SCYL2: variants seen among roughly 807,000 people sequenced by gnomAD.
SCYL2 encodes the protein SCY1-like protein 2.
A neutral mutation model predicts 100.4 loss-of-function variants in SCYL2; 36 were observed. That is an observed-to-expected ratio of 0.36 (90% confidence interval 0.27 to 0.47). The LOEUF (loss-of-function observed/expected upper bound fraction) is 0.47, where lower values mean the gene tolerates loss of function less well. Ranked by LOEUF, SCYL2 falls within the 20% of genes least tolerant of loss-of-function variation. The pLI is 1.00. For synonymous variants in SCYL2, 330 were observed against 359.2 expected, an observed-to-expected ratio of 0.92 and a Z score of 0.92; for missense variants, 902 against 1,083.9, an observed-to-expected ratio of 0.83 and a Z score of 2.36.
intron 3 of SCYL2, among the ~76,000 whole-genome samples, chr12:100,294,352 T>C (rs2096314785): frequency 9.3e-6 from 1 of 107,694 alleles, no homozygotes; most frequent in Non-Finnish European, 2.0e-5. Flanking sequence ...GCCCCTCACC[T>C]CCCAGACGGG....
intron 10 of SCYL2, among the ~76,000 whole-genome samples, chr12:100,321,829 A>G (rs1030222828): frequency 8.5e-5 from 13 of 152,092 alleles, no homozygotes; most frequent in South Asian, 2.1e-4. Flanking sequence ...GATCTCTTGA[A>G]GCCAGGAGTT....
intron 1 of SCYL2, among the ~76,000 whole-genome samples, chr12:100,282,217 T>A (rs376661472): frequency 0.073 from 8,958 of 122,718 alleles, 827 homozygotes; most frequent in Middle Eastern, 0.11. Flanking sequence ...TAGAGATGGT[T>A]TTTCGCCACA....
intron 1 of SCYL2, among the ~76,000 whole-genome samples, chr12:100,272,151 T>G (rs1169751198): frequency 2.0e-5 from 3 of 152,122 alleles, no homozygotes; most frequent in Non-Finnish European, 4.4e-5. Flanking sequence ...TGGCTGAAAT[T>G]TAGGAAGGGC....
chr12:100,326,202 T>A (rs2096361617), intron 11 of SCYL2, among the ~76,000 whole-genome samples: 1 of 152,140 alleles, frequency 6.6e-6, no homozygotes, highest in Non-Finnish European at 1.5e-5. Flanking sequence ...AGTTTAAAAA[T>A]GAATTGAACC....
chr12:100,294,944 G>GC (rs1475194566), intron 3 of SCYL2, among the ~76,000 whole-genome samples: 1 of 151,594 alleles, frequency 6.6e-6, no homozygotes, highest in Non-Finnish European at 1.5e-5. Flanking sequence ...TCTCAGACGG[G>GC]GCGGTTGCCA....
intron 1 of SCYL2, among the ~76,000 whole-genome samples, chr12:100,274,892 C>T (rs575849299): frequency 6.6e-6 from 1 of 152,300 alleles, no homozygotes; most frequent in Admixed American, 6.5e-5. Context: ...GATCCCTTCT[C>T]ACAGTAATAT....
rs78880229 is a variant in SCYL2 at position 100,270,349 on chromosome 12, C to T, written c.-29+2557C>T. 7.7e-3 allele frequency among the ~76,000 whole-genome samples: 1,175 copies of T among 152,248 alleles called. 15 individuals are homozygous for T. Among genetic ancestry groups the T allele is most frequent in the African/African-American group, 0.026 (1,078 of 41,526 alleles). On this transcript the variant is annotated intron_variant, in intron 1 of 17. Transcript: ENST00000360820. Reference sequence around the variant, plus strand: ...GACTTTAAGGAAGTGATCATTTAATCTAATTTCCTACTCAGTTATTCCTTG... The same window carrying T: ...GACTTTAAGGAAGTGATCATTTAATTTAATTTCCTACTCAGTTATTCCTTG...
chr12:100,327,091 C>A, intron 12 of SCYL2: 2 of 298,146 alleles, frequency 6.7e-6, no homozygotes, highest in Non-Finnish European at 1.3e-5. Context: ...ATTTGATACT[C>A]AATTTGTAAG....
At position 100,298,687 on chromosome 12, in the gene SCYL2, G is replaced by A. The variant is rs1269766765; in HGVS notation, c.480+512G>A. ...CAACTTCCACCTCCCAGGTTCAAGC[G>A]ATTCTCCTGCCTCAGCCTCCCCAGT... is the stretch of plus-strand genomic sequence containing the variant. On this transcript the variant is annotated intron_variant, in intron 4 of 17. Coordinates refer to ENST00000360820, the MANE Select transcript of SCYL2 (RefSeq NM_017988.6). Among the ~76,000 whole-genome samples, 4 of 150,712 alleles carry A rather than the reference G, an allele frequency of 2.7e-5. No individual in the cohort carries two copies. The East Asian group carries it at 5.8e-4, about 22-fold the overall frequency.
chr12:100,317,781 A>G (rs1165787061), intron 9 of SCYL2, 22 bp from the exon 10 acceptor site: 7 of 1,579,500 alleles, frequency 4.4e-6, no homozygotes, highest in South Asian at 1.2e-5. Context: ...GTTTTAATAC[A>G]TTGTTTCCGT....
chr12:100,330,008 G>A (rs999259096), intron 13 of SCYL2, among the ~76,000 whole-genome samples: 9 of 152,156 alleles, frequency 5.9e-5, no homozygotes, highest in African/African-American at 2.2e-4. Context: ...TGTAATCAAG[G>A]AAGTGATACC....
At chr12:100,329,376 AGATAT>A (rs1952180203) in intron 13 of SCYL2, 57 bp downstream of exon 13, 1 of 798,172 alleles carries the variant, frequency 1.3e-6, no homozygotes, top group African/African-American at 1.7e-5. Context: ...TCTTGGCATT[AGATAT>A]ATAAATATAT....
intron 1 of SCYL2, among the ~76,000 whole-genome samples, chr12:100,281,784 A>G (rs1361507877): frequency 6.6e-6 from 1 of 151,118 alleles, no homozygotes; most frequent in East Asian, 2.0e-4. Context: ...CAGTGAGCCA[A>G]GTTCATGCCA....
chr12:100,276,365 C>G (rs978957467), intron 1 of SCYL2, among the ~76,000 whole-genome samples: 1 of 152,118 alleles, frequency 6.6e-6, no homozygotes, highest in Non-Finnish European at 1.5e-5. Context: ...GGATCCCACT[C>G]TTTGTCACGC....
Position 100,340,452 on chromosome 12 carries a change from A to G in SCYL2, c.*1280A>G, listed in dbSNP as rs949583529. ...ATTCCACTCATAAAACTTTAAAACC[A>G]TCTTTCAACGAACTATATATGTATT... On this transcript the variant is annotated 3_prime_UTR_variant, in exon 18 of 18. Coordinates refer to ENST00000360820, the MANE Select transcript of SCYL2 (RefSeq NM_017988.6). 2 of 152,080 alleles carry G rather than the reference A, an allele frequency of 1.3e-5. No homozygotes were observed. The highest frequency in any genetic ancestry group is 2.9e-5 in the Non-Finnish European group (2 of 67,942). The allele number at this position is 152,080 out of a possible 1,614,324, so 9.4% of individuals were successfully genotyped here. A position where few individuals can be genotyped will look rare whatever the true frequency, so the allele number is the denominator to read the frequency against.
Position 100,323,607 on chromosome 12 carries a change from A to C in SCYL2, c.1478A>C (p.Lys493Thr), listed in dbSNP as rs754269938. The change falls in exon 11 of 18, where the codon AAA becomes ACA. Residue 493 changes from lysine (K) to threonine (T), a missense_variant. Lys to Thr is a moderately conservative substitution (Grantham distance 78, BLOSUM62 -1). Coordinates refer to ENST00000360820, the MANE Select transcript of SCYL2 (RefSeq NM_017988.6). The part of the protein sequence containing the change: ...SMKNALIPRI[K>T]NACLQTSSLA... The stretch of plus-strand genomic sequence containing the variant: ...AAAAACGCTTTGATACCAAGAATTA[A>C]AAATGCTTGTCTACAAACATCTTCC... 1.2e-6 allele frequency: 2 copies of C among 1,600,302 alleles called. No homozygotes were observed. The highest frequency in any genetic ancestry group is 2.2e-5 in the South Asian group (2 of 89,354).
intron 4 of SCYL2, among the ~76,000 whole-genome samples, chr12:100,305,520 T>C (rs1056359021): frequency 4.6e-5 from 7 of 152,120 alleles, no homozygotes; most frequent in African/African-American, 1.7e-4. Flanking sequence ...TAGAGGGAAA[T>C]TTATAGCACT....
At chr12:100,299,365 G>T (rs1035638976) in intron 4 of SCYL2, among the ~76,000 whole-genome samples, 3 of 151,962 alleles carry the variant, frequency 2.0e-5, no homozygotes, top group African/African-American at 4.8e-5. Context: ...GATATAATTG[G>T]CATACAGTAA....
At chr12:100,294,752 C>G (rs1259329481) in intron 3 of SCYL2, among the ~76,000 whole-genome samples, 1 of 140,304 alleles carries the variant, frequency 7.1e-6, no homozygotes, top group Non-Finnish European at 1.6e-5. Context: ...GGGGGCTGAC[C>G]CCCCCACCTC....
Sources: allele counts gnomAD v4.1 joint callset (sites outside exome capture counted in the v4.1 genomes callset), GRCh38; gene constraint gnomAD v4.1.1; transcripts MANE v1.5; gene names NCBI Gene and HGNC (gene_info 2026-07-23, HGNC 2026-07-21).